The following PDCD10 variants were observed in gnomAD, a reference collection of about 807,000 sequenced individuals.
PDCD10 encodes programmed cell death 10.
Under a neutral mutation model 29.2 loss-of-function variants are expected in PDCD10, and 4 were observed. The observed-to-expected ratio is 0.14, with a 90% CI of 0.07 to 0.31. The LOEUF (loss-of-function observed/expected upper bound fraction) is 0.31. Among genes scored for constraint, PDCD10 ranks in the 10% least tolerant of loss-of-function variants. The pLI, the probability that PDCD10 is intolerant of heterozygous loss-of-function variation, is 1.00. For missense variants in PDCD10, 183 were observed against 257.9 expected, an observed-to-expected ratio of 0.71 and a Z score of 1.99; for synonymous variants, 70 against 82.2, an observed-to-expected ratio of 0.85 and a Z score of 0.80.
At chr3:167,717,803 AT>A (rs1437260672) in intron 3 of PDCD10, among the ~76,000 whole-genome samples, 2 of 152,060 alleles carry the variant, frequency 1.3e-5, no homozygotes, top group Non-Finnish European at 1.5e-5. Flanking sequence ...GACAGAAATA[AT>A]TTTTTTAAAC....
At chr3:167,714,283 C>T (rs908565630) in intron 3 of PDCD10, among the ~76,000 whole-genome samples, 2 of 152,028 alleles carry the variant, frequency 1.3e-5, no homozygotes, top group African/African-American at 2.4e-5. Flanking sequence ...GAAGGACAAA[C>T]ATCATATGAT....
intron 2 of PDCD10, among the ~76,000 whole-genome samples, chr3:167,733,451 G>C: frequency 6.6e-6 from 1 of 152,218 alleles, no homozygotes; most frequent in Non-Finnish European, 1.5e-5. Flanking sequence ...TCAATGTAAA[G>C]TAAGAATGAA....
intron 6 of PDCD10, among the ~76,000 whole-genome samples, chr3:167,695,090 C>T (rs933076722): frequency 1.3e-5 from 2 of 152,134 alleles, no homozygotes; most frequent in East Asian, 1.9e-4. Flanking sequence ...TAGGATGACC[C>T]TTCTTGCTGC....
intron 3 of PDCD10, among the ~76,000 whole-genome samples, chr3:167,714,073 C>T (rs2108465586): frequency 6.6e-6 from 1 of 152,056 alleles, no homozygotes; most frequent in Non-Finnish European, 1.5e-5. Context: ...ACCCTGATAC[C>T]AAATCTGGGC....
At chr3:167,684,458 T>A in intron 8 of PDCD10, 69 bp from the exon 9 acceptor site, 1 of 844,084 alleles carries the variant, frequency 1.2e-6, no homozygotes, top group Non-Finnish European at 2.0e-6. Context: ...TTTATACTAT[T>A]AACAGTAGCA....
chr3:167,710,655 T>C (rs921901483), intron 3 of PDCD10, among the ~76,000 whole-genome samples: 1 of 152,222 alleles, frequency 6.6e-6, no homozygotes, highest in Middle Eastern at 3.2e-3. Context: ...GACATAAATG[T>C]GGCTGGCTTC....
At chr3:167,718,835 T>G (rs1417172724) in intron 3 of PDCD10, among the ~76,000 whole-genome samples, 1 of 151,866 alleles carries the variant, frequency 6.6e-6, no homozygotes, top group African/African-American at 2.4e-5. Flanking sequence ...TTTCTCATAC[T>G]GAGTCATAAC....
rs1721998078 is a variant in PDCD10 at position 167,706,580 on chromosome 3, T to C, written c.97-1685A>G. Reference sequence around the variant, plus strand: ...GGTAATGTTGCGCTACAATGAACAATGGCTTTAACATCACTTGGTGAGAGG... The same window carrying C: ...GGTAATGTTGCGCTACAATGAACAACGGCTTTAACATCACTTGGTGAGAGG... On this transcript the variant is annotated intron_variant, in intron 3 of 8. Transcript: ENST00000392750. Among the ~76,000 whole-genome samples, 2 of 152,192 alleles carry C rather than the reference T, an allele frequency of 1.3e-5. 1 individual carries two copies. The highest frequency in any genetic ancestry group is 4.1e-4 in the South Asian group (2 of 4,836).
intron 3 of PDCD10, among the ~76,000 whole-genome samples, chr3:167,711,894 A>G (rs2108458978): frequency 6.6e-6 from 1 of 152,238 alleles, no homozygotes; most frequent in East Asian, 1.9e-4. Flanking sequence ...AGAAATTTTT[A>G]TCCTAGAATA....
intron 3 of PDCD10, among the ~76,000 whole-genome samples, chr3:167,712,757 C>A (rs930309058): frequency 6.6e-6 from 1 of 151,336 alleles, no homozygotes. Flanking sequence ...AATAAAGAGA[C>A]GAAAAAAGAT....
chr3:167,701,923 G>C (rs1293025393), intron 4 of PDCD10, among the ~76,000 whole-genome samples: 2 of 152,084 alleles, frequency 1.3e-5, no homozygotes, highest in Admixed American at 1.3e-4. Flanking sequence ...AGGATGAAAG[G>C]TTTCAAGATA....
intron 4 of PDCD10, among the ~76,000 whole-genome samples, chr3:167,702,978 A>C (rs374508600): frequency 1.1e-4 from 16 of 152,304 alleles, no homozygotes; most frequent in African/African-American, 2.9e-4. Context: ...AATTGTACTT[A>C]AGTGTTAGAT....
chr3:167,696,095 C>T (rs963508765), intron 5 of PDCD10, among the ~76,000 whole-genome samples: 9 of 151,848 alleles, frequency 5.9e-5, no homozygotes, highest in African/African-American at 2.2e-4. Context: ...AGTGTCATAA[C>T]TAGTGCAAAG....
At chr3:167,686,687 C>G (rs766141537) in intron 8 of PDCD10, among the ~76,000 whole-genome samples, 1 of 152,144 alleles carries the variant, frequency 6.6e-6, no homozygotes, top group African/African-American at 2.4e-5. Flanking sequence ...GTGGGACCCT[C>G]GAGCAATTTG....
intron 3 of PDCD10, among the ~76,000 whole-genome samples, chr3:167,707,974 C>T (rs1304244173): frequency 6.6e-6 from 1 of 152,148 alleles, no homozygotes; most frequent in African/African-American, 2.4e-5. Context: ...TCCTGAAGCA[C>T]ATTTGGAGAC....
At chr3:167,716,800 A>G (rs551671789) in intron 3 of PDCD10, among the ~76,000 whole-genome samples, 1 of 152,052 alleles carries the variant, frequency 6.6e-6, no homozygotes, top group South Asian at 2.1e-4. Flanking sequence ...ACCTTTGGTG[A>G]CCTAAAATTC....
chr3:167,691,750 C>T (rs916779917), intron 6 of PDCD10, among the ~76,000 whole-genome samples: 1 of 152,174 alleles, frequency 6.6e-6, no homozygotes, highest in Non-Finnish European at 1.5e-5. Flanking sequence ...ATTTTTCAAT[C>T]TCCAGATTAC....
intron 3 of PDCD10, among the ~76,000 whole-genome samples, chr3:167,714,495 A>C (rs1722817520): frequency 6.6e-6 from 1 of 152,126 alleles, no homozygotes; most frequent in Non-Finnish European, 1.5e-5. Context: ...GAAAGGGAAG[A>C]AGTCAAATTA....
chr3:167,704,296 C>G (rs146916626), intron 4 of PDCD10, among the ~76,000 whole-genome samples: 1 of 152,104 alleles, frequency 6.6e-6, no homozygotes. Context: ...GGCATGATCA[C>G]GTCCCACTGT....
Sources: gnomAD v4.1 joint callset for allele counts (sites outside exome capture counted in the v4.1 genomes callset) on GRCh38, gnomAD v4.1.1 for gene constraint, MANE v1.5 for transcripts, NCBI Gene and HGNC (gene_info 2026-07-23, HGNC 2026-07-21) for gene names.